INSC: variants seen among roughly 807,000 people sequenced by gnomAD.
INSC encodes the protein protein inscuteable homolog.
A neutral mutation model predicts 58.6 loss-of-function variants in INSC; 67 were observed. The ratio of observed to expected loss-of-function variants is 1.14; its 90% CI spans 0.94 to 1.40. The LOEUF is 1.40. INSC is among the 40% of genes most tolerant of loss of function. INSC has a pLI of 0.00. For synonymous variants in INSC, 262 were observed against 276.1 expected (o/e 0.95, Z 0.51); for missense variants, 714 against 692.0 (o/e 1.03, Z -0.36).
chr11:15,157,596 G>C (rs1848859421), intron 2 of INSC, among the ~76,000 whole-genome samples: 1 of 152,192 alleles, frequency 6.6e-6, no homozygotes, highest in Non-Finnish European at 1.5e-5. Context: ...AGCAAATCCA[G>C]TAGGAGAGGT....
At chr11:15,112,443 G>A, upstream of INSC, 4 of 1,574,890 alleles carry the variant, frequency 2.5e-6, no homozygotes, top group South Asian at 1.2e-5. Flanking sequence ...AAGGAGACTT[G>A]GAGTCGCTGC....
chr11:15,264,837 C>T, the INSC span, among the ~76,000 whole-genome samples: 1 of 152,058 alleles, frequency 6.6e-6, no homozygotes, highest in African/African-American at 2.4e-5. Flanking sequence ...TGATAGGTTC[C>T]AGGCATGAGG....
chr11:15,114,131 G>C (rs540254920), upstream of INSC, among the ~76,000 whole-genome samples: 3 of 151,516 alleles, frequency 2.0e-5, no homozygotes, highest in Admixed American at 6.6e-5. Context: ...GGCGGGGGAG[G>C]GGGAGTTGTA....
intron 9 of INSC, among the ~76,000 whole-genome samples, chr11:15,229,547 A>T (rs933897170): frequency 2.0e-5 from 3 of 152,078 alleles, no homozygotes; most frequent in Admixed American, 2.0e-4. Context: ...CATCTGTGTA[A>T]TGGGGATAAT....
At chr11:15,250,278 G>A (rs868200221), downstream of INSC, among the ~76,000 whole-genome samples, 3 of 152,150 alleles carry the variant, frequency 2.0e-5, no homozygotes, top group Non-Finnish European at 2.9e-5. Context: ...GTACCTCTAT[G>A]AGCTTCTGTT....
intron 12 of INSC, among the ~76,000 whole-genome samples, chr11:15,241,330 C>T (rs1852344473): frequency 6.6e-6 from 1 of 152,180 alleles, no homozygotes; most frequent in African/African-American, 2.4e-5. Context: ...AAAGATCCTT[C>T]AAGCTGTCTC....
intron 5 of INSC, among the ~76,000 whole-genome samples, chr11:15,186,397 G>T (rs1169686964): frequency 6.6e-6 from 1 of 152,114 alleles, no homozygotes; most frequent in African/African-American, 2.4e-5. Context: ...AGTGAATGCA[G>T]CATCTGGATC....
At chr11:15,174,730 T>C (rs1222520622) in intron 2 of INSC, among the ~76,000 whole-genome samples, 6 of 152,226 alleles carry the variant, frequency 3.9e-5, no homozygotes, top group African/African-American at 9.7e-5. Flanking sequence ...TTTAGTTTAG[T>C]TTTGTTTTCA....
At chr11:15,183,203 T>C (rs1197253664) in intron 5 of INSC, among the ~76,000 whole-genome samples, 1 of 151,772 alleles carries the variant, frequency 6.6e-6, no homozygotes, top group Non-Finnish European at 1.5e-5. Flanking sequence ...TAAAAAAAAT[T>C]AGCCAGGCAT....
At chr11:15,189,901 C>A (rs1460467979) in intron 5 of INSC, among the ~76,000 whole-genome samples, 1 of 152,208 alleles carries the variant, frequency 6.6e-6, no homozygotes, top group Admixed American at 6.5e-5. Context: ...TACATAAAAA[C>A]CTTTCCCTCA....
intron 9 of INSC, among the ~76,000 whole-genome samples, chr11:15,229,996 TA>T (rs1257655499): frequency 1.7e-3 from 44 of 26,618 alleles, no homozygotes; most frequent in South Asian, 3.3e-3. Flanking sequence ...TATATATATA[TA>T]TATATATATA....
chr11:15,140,093 CG>C (rs1848332925), intron 1 of INSC, among the ~76,000 whole-genome samples: 11 of 152,222 alleles, frequency 7.2e-5, no homozygotes, highest in Admixed American at 7.2e-4. Flanking sequence ...CAAGCTCCTT[CG>C]GGGGTGCTGC....
In INSC at chr11:15,158,860, G is replaced by GT. The variant is rs529518368; in HGVS notation, c.56+9651dup. Among the ~76,000 whole-genome samples the GT allele has an allele frequency of 2.8e-3, 311 of 109,664 alleles. 5 individuals carry two copies. The highest frequency in any genetic ancestry group is 0.013 in the East Asian group (51 of 3,868). 71.9% of individuals were successfully genotyped at this position (109,664 alleles called of 152,430 possible). A position where few individuals can be genotyped will look rare whatever the true frequency, so the allele number is the denominator to read the frequency against. ...ATTATAACCAGATGAATTGTTGGTG[G>GT]TTTTTTTTTTTTTTTTTTTTTGCCT... On this transcript the variant is annotated intron_variant, in intron 2 of 12. Coordinates refer to ENST00000379556, the MANE Select transcript of INSC (RefSeq NM_001042536.3).
chr11:15,245,944 T>C lies in INSC; in HGVS notation c.1503T>C (p.Pro501=). ...TGCGTAGATTGGCTGGGGTCTGCCC[T>C]GAAGGCCTCCAGGACTCTGACTTTC... ...AALRRLAGVC[P]EGLQDSDFQQ... The change falls in exon 13 of 13, where the codon CCT becomes CCC. Residue 501 remains proline, a synonymous_variant. Coordinates refer to ENST00000379556, the MANE Select transcript of INSC (RefSeq NM_001042536.3). The C allele has an allele frequency of 6.2e-7, 1 of 1,614,236 alleles. No individual in the cohort carries two copies.
At chr11:15,220,077 G>A (rs941032089) in intron 7 of INSC, among the ~76,000 whole-genome samples, 1 of 152,190 alleles carries the variant, frequency 6.6e-6, no homozygotes, top group African/African-American at 2.4e-5. Context: ...ATTGCCAAAG[G>A]CTTTCACAGC....
upstream of INSC, among the ~76,000 whole-genome samples, chr11:15,111,544 C>T (rs959423272): frequency 6.6e-6 from 1 of 152,136 alleles, no homozygotes; most frequent in African/African-American, 2.4e-5. Flanking sequence ...CCTGAGGCGC[C>T]TACTTTGGTT....
the INSC span, among the ~76,000 whole-genome samples, chr11:15,266,541 T>C: frequency 6.6e-6 from 1 of 152,032 alleles, no homozygotes; most frequent in South Asian, 2.1e-4. Flanking sequence ...TTTTCCTATA[T>C]ACCTTGGCTA....
intron 6 of INSC, 43 bp from the exon 7 acceptor site, chr11:15,200,781 A>C (rs1336289573): frequency 1.2e-6 from 2 of 1,611,748 alleles, no homozygotes; most frequent in African/African-American, 2.7e-5. Flanking sequence ...GCCCCAGACA[A>C]GGTCACACAG....
the INSC span, among the ~76,000 whole-genome samples, chr11:15,264,772 A>G: frequency 3.9e-4 from 60 of 152,186 alleles, no homozygotes; most frequent in African/African-American, 1.4e-3. Flanking sequence ...AATTACATCT[A>G]CTAGTAGCCT....
Sources: gnomAD v4.1 joint callset for allele counts (sites outside exome capture counted in the v4.1 genomes callset) on GRCh38, gnomAD v4.1.1 for gene constraint, MANE v1.5 for transcripts, NCBI Gene and HGNC (gene_info 2026-07-23, HGNC 2026-07-21) for gene names.